Variants in SNX6 observed in about 807,000 individuals in gnomAD.
SNX6 encodes sorting nexin-6.
SNX6 carries 34 observed loss-of-function variants against 63.0 expected under a neutral mutation model. The ratio of observed to expected loss-of-function variants is 0.54; its 90% CI spans 0.41 to 0.72. SNX6 has a LOEUF of 0.72. SNX6 is among the 30% of genes least tolerant of loss of function. The probability of loss-of-function intolerance (pLI) is 0.00; values close to 1 mark genes in which losing one functional copy is unlikely to be tolerated. For missense variants in SNX6, 398 were observed against 471.4 expected, an observed-to-expected ratio of 0.84 and a Z score of 1.44; for synonymous variants, 170 against 164.2, an observed-to-expected ratio of 1.04 and a Z score of -0.27.
intron 11 of SNX6, among the ~76,000 whole-genome samples, chr14:34,571,076 T>C (rs1159263694): frequency 6.6e-6 from 1 of 151,898 alleles, no homozygotes; most frequent in Non-Finnish European, 1.5e-5. Flanking sequence ...ATATAAATTG[T>C]GTTACATCCA....
At chr14:34,615,313 A>G (rs1883377343) in intron 2 of SNX6, among the ~76,000 whole-genome samples, 1 of 152,124 alleles carries the variant, frequency 6.6e-6, no homozygotes, top group Admixed American at 6.6e-5. Flanking sequence ...TACCATACTC[A>G]CAGGCTTATG....
intron 2 of SNX6, among the ~76,000 whole-genome samples, chr14:34,624,188 C>G (rs1248178049): frequency 6.6e-6 from 1 of 152,132 alleles, no homozygotes; most frequent in African/African-American, 2.4e-5. Context: ...GCAACCTCTG[C>G]CTCCTGGGTT....
intron 7 of SNX6, among the ~76,000 whole-genome samples, chr14:34,593,622 A>C (rs1882487314): frequency 6.9e-6 from 1 of 145,472 alleles, no homozygotes; most frequent in Non-Finnish European, 1.5e-5. Context: ...ACCAGGCTGG[A>C]GTGCAGTGGC....
chr14:34,613,985 G>A (rs887525013), intron 2 of SNX6, among the ~76,000 whole-genome samples: 1 of 151,804 alleles, frequency 6.6e-6, no homozygotes, highest in Non-Finnish European at 1.5e-5. Context: ...GCAGGTGCCT[G>A]TAATCCCAGC....
chr14:34,604,468 T>G (rs942617548), intron 5 of SNX6, among the ~76,000 whole-genome samples: 6 of 152,078 alleles, frequency 3.9e-5, no homozygotes, highest in Non-Finnish European at 1.5e-5. Context: ...AAGAGAAGTA[T>G]AGTAGCAGTG....
At chr14:34,589,948 C>T (rs1213309693) in intron 8 of SNX6, among the ~76,000 whole-genome samples, 3 of 152,108 alleles carry the variant, frequency 2.0e-5, no homozygotes, top group East Asian at 3.9e-4. Context: ...CTGTCTCTAC[C>T]CCCTCAGCAG....
chr14:34,622,983 T>C (rs538511042), intron 2 of SNX6, among the ~76,000 whole-genome samples: 2 of 152,338 alleles, frequency 1.3e-5, no homozygotes, highest in Admixed American at 6.5e-5. Flanking sequence ...ATGTCTTTAC[T>C]ACTACCCCTT....
chr14:34,609,580 A>G, intron 3 of SNX6, 58 bp downstream of exon 3: 2 of 986,098 alleles, frequency 2.0e-6, no homozygotes, highest in Non-Finnish European at 3.1e-6. Context: ...TGGTCAACAT[A>G]TCACATATGT....
At chr14:34,615,944 T>C (rs1883403143) in intron 2 of SNX6, among the ~76,000 whole-genome samples, 1 of 152,174 alleles carries the variant, frequency 6.6e-6, no homozygotes, top group South Asian at 2.1e-4. Flanking sequence ...ATATCTGAAA[T>C]AGGAATGTCC....
intron 2 of SNX6, among the ~76,000 whole-genome samples, chr14:34,622,049 C>T (rs907113615): frequency 2.1e-5 from 3 of 146,126 alleles, no homozygotes; most frequent in Non-Finnish European, 4.5e-5. Context: ...ACCTCTGCCT[C>T]CTGGGTTCAA....
intron 10 of SNX6, 99 bp from the exon 11 acceptor site, chr14:34,575,941 T>TC (rs397772125): frequency 3.3e-6 from 2 of 609,424 alleles, no homozygotes; most frequent in African/African-American, 2.0e-5. Flanking sequence ...TTTTTTTTTT[T>TC]GAGACGGAGT....
Position 34,586,283 on chromosome 14 carries a change from T to A in SNX6, c.741A>T (p.Arg247Ser). 6.2e-7 allele frequency: 1 copy of A among 1,607,262 alleles called. No individual in the cohort carries two copies. The highest frequency in any genetic ancestry group is 8.5e-7 in the Non-Finnish European group (1 of 1,174,158). Residue 247 changes from arginine to serine, a missense_variant, in exon 9 of 14, where the codon AGA becomes AGT. By Grantham distance (110) the Arg-to-Ser change is moderately radical. Transcript: ENST00000362031. The stretch of plus-strand genomic sequence containing the variant: ...CTAAAGCATATAATGAAGAACCAAT[T>A]CTATTGTAATCATCTGCAGCACCTA... The part of the protein sequence containing the change: ...SHKSAADDYN[R>S]IGSSLYALGT...
chr14:34,622,083 CTAG>C (rs1424520203), intron 2 of SNX6, among the ~76,000 whole-genome samples: 10 of 149,992 alleles, frequency 6.7e-5, no homozygotes, highest in Middle Eastern at 6.9e-3. Flanking sequence ...CTCAGTTTCC[CTAG>C]TAGCTGGGAT....
chr14:34,589,550 G>A (rs934452338), intron 8 of SNX6, among the ~76,000 whole-genome samples: 1 of 152,086 alleles, frequency 6.6e-6, no homozygotes, highest in Admixed American at 6.6e-5. Context: ...TTGGGATTGG[G>A]CACAGTGGCT....
chr14:34,564,274 C>G (rs1428565955), intron 13 of SNX6, among the ~76,000 whole-genome samples: 3 of 151,878 alleles, frequency 2.0e-5, no homozygotes, highest in Non-Finnish European at 4.4e-5. Context: ...GTGATCTGCC[C>G]GCCTTGGCCT....
At chr14:34,600,452 T>C (rs1232606272) in intron 6 of SNX6, among the ~76,000 whole-genome samples, 1 of 151,788 alleles carries the variant, frequency 6.6e-6, no homozygotes, top group Non-Finnish European at 1.5e-5. Flanking sequence ...TCTTTTTTTT[T>C]TTTTTAAAAA....
At chr14:34,586,379 A>G in intron 8 of SNX6, 74 bp from the exon 9 acceptor site, 3 of 940,070 alleles carry the variant, frequency 3.2e-6, no homozygotes, top group Non-Finnish European at 5.1e-6. Context: ...ATTACCTCTC[A>G]AACAATGTGT....
At chr14:34,612,220 C>T (rs1007420108) in intron 2 of SNX6, among the ~76,000 whole-genome samples, 3 of 152,134 alleles carry the variant, frequency 2.0e-5, no homozygotes, top group South Asian at 2.1e-4. Context: ...GGATTACAGA[C>T]GTGAGCCACT....
intron 7 of SNX6, among the ~76,000 whole-genome samples, chr14:34,593,513 C>A (rs1882480314): frequency 6.6e-6 from 1 of 151,608 alleles, no homozygotes; most frequent in Non-Finnish European, 1.5e-5. Context: ...GATTCTCCTG[C>A]CTCAGCGTCC....
Sources: allele counts gnomAD v4.1 joint callset (sites outside exome capture counted in the v4.1 genomes callset), GRCh38; gene constraint gnomAD v4.1.1; transcripts MANE v1.5; gene names NCBI Gene and HGNC (gene_info 2026-07-23, HGNC 2026-07-21).